PARPBP: variants seen among roughly 807,000 people sequenced by gnomAD.
PARPBP encodes PCNA-interacting partner.
In PARPBP, 52 loss-of-function variants were observed where a neutral mutation model predicts 50.0. The ratio of observed to expected loss-of-function variants is 1.04; its 90% CI spans 0.83 to 1.31. PARPBP has a LOEUF of 1.31. Ranked by LOEUF, PARPBP falls within the 50% of genes most tolerant of loss-of-function variation. The pLI, the probability that PARPBP is intolerant of heterozygous loss-of-function variation, is 0.00. For missense variants in PARPBP, 697 were observed against 672.0 expected (o/e 1.04, Z -0.41); for synonymous variants, 244 against 232.1 (o/e 1.05, Z -0.47).
intron 4 of PARPBP, among the ~76,000 whole-genome samples, chr12:102,156,419 C>G (rs895456752): frequency 2.0e-5 from 3 of 151,474 alleles, no homozygotes; most frequent in African/African-American, 4.9e-5. Flanking sequence ...GTCTCAATCT[C>G]CTGACCTCGT....
chr12:102,182,415 A>ATTT, intron 8 of PARPBP, 134 bp from the exon 9 acceptor site: 2 of 625,858 alleles, frequency 3.2e-6, no homozygotes, highest in Non-Finnish European at 5.7e-6. Context: ...TGATGAGTTT[A>ATTT]TCTGGGAGGT....
At chr12:102,192,309 A>G (rs1182749866) in intron 9 of PARPBP, among the ~76,000 whole-genome samples, 1 of 152,134 alleles carries the variant, frequency 6.6e-6, no homozygotes, top group Non-Finnish European at 1.5e-5. Context: ...ACTGCATCCA[A>G]TTCTGATAAT....
At chr12:102,169,819 A>T (rs188701287) in intron 6 of PARPBP, among the ~76,000 whole-genome samples, 2 of 152,284 alleles carry the variant, frequency 1.3e-5, no homozygotes, top group African/African-American at 4.8e-5. Flanking sequence ...CCTCAATATG[A>T]TACACAAAAC....
intron 2 of PARPBP, among the ~76,000 whole-genome samples, chr12:102,138,447 C>T (rs1487109446): frequency 1.3e-5 from 2 of 152,104 alleles, no homozygotes; most frequent in Admixed American, 6.5e-5. Context: ...TTCTCCCATT[C>T]TGTAGGTTGC....
At chr12:102,133,476 G>A (rs1332416820) in intron 2 of PARPBP, among the ~76,000 whole-genome samples, 1 of 151,970 alleles carries the variant, frequency 6.6e-6, no homozygotes, top group Non-Finnish European at 1.5e-5. Context: ...ACCATCCCTG[G>A]TATGAATCTG....
intron 7 of PARPBP, among the ~76,000 whole-genome samples, chr12:102,177,847 T>G (rs1889431205): frequency 6.6e-6 from 1 of 152,190 alleles, no homozygotes; most frequent in Non-Finnish European, 1.5e-5. Context: ...CCCTTTTACC[T>G]TATTCTTCAG....
chr12:102,156,965 G>A (rs1467676013), intron 4 of PARPBP, among the ~76,000 whole-genome samples: 1 of 152,186 alleles, frequency 6.6e-6, no homozygotes, highest in Non-Finnish European at 1.5e-5. Context: ...AATATGATAT[G>A]TAAATGGTCT....
Position 102,164,483 on chromosome 12 carries a change from C to A in PARPBP, c.541C>A (p.Leu181Ile), listed in dbSNP as rs1887922340. 6.2e-7 allele frequency: 1 copy of A among 1,612,560 alleles called. No homozygotes were observed. The highest frequency in any genetic ancestry group is 1.7e-5 in the Admixed American group (1 of 59,982). Reference protein sequence around the residue: ...RKIIFSYLNLLVNSKNDLAVA... With the variant: ...RKIIFSYLNLIVNSKNDLAVA... ...AATTATCTTTTCATATTTAAATCTG[C>A]TAGTGAATTCAAAGAATGACCTGGC... The change falls in exon 5 of 11, where the codon CTA becomes ATA. Residue 181 changes from leucine (L) to isoleucine (I), a missense_variant. Leu to Ile is a conservative substitution (Grantham distance 5, BLOSUM62 2). Coordinates refer to ENST00000327680, the MANE Select transcript of PARPBP (RefSeq NM_017915.5).
Position 102,195,408 on chromosome 12 carries a change from A to C in PARPBP, c.1360A>C (p.Lys454Gln). ...DNWNNVNLAS[K>Q]PLCVLYMEND... Reference sequence around the variant, plus strand: ...TTGGAATAATGTTAATTTAGCATCAAAGCCTTTGTGTGTTCTTTACATGGA... The same window carrying C: ...TTGGAATAATGTTAATTTAGCATCACAGCCTTTGTGTGTTCTTTACATGGA... The change falls in exon 10 of 11, where the codon AAG (lysine) becomes CAG (glutamine). Residue 454 changes from lysine (K) to glutamine (Q), a missense_variant. Physicochemically the swap from Lys to Gln is moderately conservative, Grantham distance 53. Coordinates refer to ENST00000327680, the MANE Select transcript of PARPBP (RefSeq NM_017915.5). The C allele has an allele frequency of 6.3e-7, 1 of 1,596,920 alleles. No individual in the cohort carries two copies.
intron 4 of PARPBP, 137 bp from the exon 5 acceptor site, chr12:102,164,301 A>G: frequency 3.1e-6 from 2 of 648,078 alleles, no homozygotes; most frequent in Middle Eastern, 4.3e-4. Context: ...CTGTTTTTAT[A>G]TGGCAGTTTT....
At chr12:102,143,140 C>T (rs1178643699) in intron 2 of PARPBP, among the ~76,000 whole-genome samples, 8 of 152,216 alleles carry the variant, frequency 5.3e-5, no homozygotes, top group Non-Finnish European at 4.4e-5. Context: ...GGGTTCCACC[C>T]AGTTTGAGCT....
At chr12:102,120,540 CCTGCT>C in intron 1 of PARPBP, 1 of 455,918 alleles carries the variant, frequency 2.2e-6, no homozygotes, top group South Asian at 1.5e-5. Context: ...CCCGTAGAGG[CCTGCT>C]TAACTTCCAT....
At chr12:102,140,413 G>C (rs1032542724) in intron 2 of PARPBP, among the ~76,000 whole-genome samples, 1 of 151,920 alleles carries the variant, frequency 6.6e-6, no homozygotes, top group Admixed American at 6.6e-5. Flanking sequence ...CATCAATTTT[G>C]TTGATCCTTT....
At chr12:102,136,854 A>G (rs1010700665) in intron 2 of PARPBP, among the ~76,000 whole-genome samples, 2 of 152,088 alleles carry the variant, frequency 1.3e-5, no homozygotes, top group Admixed American at 1.3e-4. Flanking sequence ...TTAAAAGTAG[A>G]TAGAGTTGGT....
At chr12:102,161,419 T>G (rs749914057) in intron 4 of PARPBP, among the ~76,000 whole-genome samples, 1 of 152,164 alleles carries the variant, frequency 6.6e-6, no homozygotes, top group Non-Finnish European at 1.5e-5. Context: ...GGTAAGTTTT[T>G]CTTAATAGAT....
chr12:102,196,128 A>G lies in PARPBP; in HGVS notation c.1577A>G (p.Asn526Ser), dbSNP rs1891297037. The G allele has an allele frequency of 1.2e-6, 2 of 1,612,100 alleles. No homozygotes were observed. Among genetic ancestry groups the G allele is most frequent in the East Asian group, 2.2e-5 (1 of 44,766 alleles). Reference protein sequence around the residue: ...DGENILCDNRNEPPQHKNAKI... With the variant: ...DGENILCDNRSEPPQHKNAKI... ...GAAAATATTCTCTGTGATAATAGAA[A>G]TGAACCACCTCAACATAAAAATGCT... is the stretch of plus-strand genomic sequence containing the variant. The change falls in exon 11 of 11, where the codon AAT becomes AGT. Residue 526 changes from asparagine (N) to serine (S), a missense_variant. Coordinates refer to ENST00000327680, the MANE Select transcript of PARPBP (RefSeq NM_017915.5).
rs368579977 is a variant in PARPBP at position 102,174,755 on chromosome 12, C to T, written c.822-728C>T. On this transcript the variant is annotated intron_variant, in intron 6 of 10. Coordinates refer to ENST00000327680, the MANE Select transcript of PARPBP (RefSeq NM_017915.5). ...CCTCTTATATGTTTCTCACATTTGTCCTTTAGAGCAGAAGCTGCAACCCAA... is the reference window on the plus strand; with the variant it reads ...CCTCTTATATGTTTCTCACATTTGTTCTTTAGAGCAGAAGCTGCAACCCAA... Among the ~76,000 whole-genome samples the T allele has an allele frequency of 3.9e-5, 6 of 152,274 alleles. No homozygotes were observed. The East Asian group carries it at 7.7e-4, about 20-fold the overall frequency.
intron 4 of PARPBP, among the ~76,000 whole-genome samples, chr12:102,157,363 C>CTA (rs1230842584): frequency 6.6e-6 from 1 of 151,876 alleles, no homozygotes; most frequent in Non-Finnish European, 1.5e-5. Context: ...ATATCATTTA[C>CTA]TAACTTCCAT....
chr12:102,150,571 G>A (rs1428795014), intron 3 of PARPBP, among the ~76,000 whole-genome samples: 3 of 152,152 alleles, frequency 2.0e-5, no homozygotes, highest in African/African-American at 7.2e-5. Flanking sequence ...CCCTACTTAC[G>A]ATTCCTCTCC....
Sources: gnomAD v4.1 joint callset for allele counts (sites outside exome capture counted in the v4.1 genomes callset) on GRCh38, gnomAD v4.1.1 for gene constraint, MANE v1.5 for transcripts, NCBI Gene and HGNC (gene_info 2026-07-23, HGNC 2026-07-21) for gene names.